The following SKI variants were observed in gnomAD, a reference collection of about 807,000 sequenced individuals.
SKI encodes the protein ski oncogene.
Under a neutral mutation model 59.3 loss-of-function variants are expected in SKI, and 23 were observed. That is an observed-to-expected ratio of 0.39 (90% CI 0.28 to 0.55). The LOEUF is 0.55. SKI is among the 20% of genes least tolerant of loss of function. The pLI is 0.67. For synonymous variants in SKI, 673 were observed against 488.6 expected (o/e 1.38, Z -4.98); for missense variants, 1,017 against 1,038.9 (o/e 0.98, Z 0.29).
chr1:2,301,039 C>T (rs1224960442), intron 1 of SKI, among the ~76,000 whole-genome samples: 1 of 152,188 alleles, frequency 6.6e-6, no homozygotes, highest in Non-Finnish European at 1.5e-5. Flanking sequence ...CCGGAGTCAG[C>T]GCCGGCTGTT....
intron 1 of SKI, among the ~76,000 whole-genome samples, chr1:2,296,235 A>C (rs548083150): frequency 6.3e-4 from 96 of 152,144 alleles, no homozygotes; most frequent in Middle Eastern, 3.4e-3. Flanking sequence ...CAAAAAAAAA[A>C]AAACAAAAAA....
At chr1:2,233,677 C>T (rs1638692610) in intron 1 of SKI, among the ~76,000 whole-genome samples, 1 of 152,120 alleles carries the variant, frequency 6.6e-6, no homozygotes, top group Admixed American at 6.5e-5. Context: ...AGGCAGGTGC[C>T]CAGCCAGGTG....
intron 1 of SKI, among the ~76,000 whole-genome samples, chr1:2,287,863 A>AC (rs1005344765): frequency 1.3e-4 from 19 of 151,576 alleles, no homozygotes; most frequent in Non-Finnish European, 2.4e-4. Context: ...CCTGCATGGC[A>AC]CCGCCCTCCG....
intron 1 of SKI, among the ~76,000 whole-genome samples, chr1:2,237,575 C>CA (rs1329567821): frequency 6.6e-6 from 1 of 152,240 alleles, no homozygotes; most frequent in Non-Finnish European, 1.5e-5. Context: ...ACCCCTGGTC[C>CA]AGCTGTTGAG....
chr1:2,304,590 G>T lies in SKI; in HGVS notation c.1767+5G>T. 1 of 1,547,502 alleles carries T rather than the reference G, an allele frequency of 6.5e-7. No individual in the cohort carries two copies. Among genetic ancestry groups the T allele is most frequent in the East Asian group, 2.4e-5 (1 of 40,966 alleles). On this transcript the variant is annotated splice_donor_5th_base_variant and intron_variant, in intron 5 of 6. Transcript: ENST00000378536. ...GCCAAGCGCAGCCTCCACCAGGTGA[G>T]CGGGGCGAGTGGTGCTGGGAGGTCC... is the stretch of plus-strand genomic sequence containing the variant.
chr1:2,242,662 G>A (rs1638904626), intron 1 of SKI, among the ~76,000 whole-genome samples: 1 of 152,172 alleles, frequency 6.6e-6, no homozygotes, highest in African/African-American at 2.4e-5. Flanking sequence ...CGGGACTGTA[G>A]GTGGGCATCA....
chr1:2,306,647 G>C lies in SKI; in HGVS notation c.2069G>C (p.Arg690Pro). 6.5e-7 allele frequency: 1 copy of C among 1,544,942 alleles called. No homozygotes were observed. The highest frequency in any genetic ancestry group is 1.4e-5 in the African/African-American group (1 of 72,800). ...DREQLRADLL[R>P]EREAREHLEK... Reference sequence around the variant, plus strand: ...GAGCAGCTGCGGGCCGACCTGCTGCGGGAGCGCGAGGCCCGGGAGCACCTG... The same window carrying C: ...GAGCAGCTGCGGGCCGACCTGCTGCCGGAGCGCGAGGCCCGGGAGCACCTG... The change falls in exon 7 of 7, where the codon CGG (arginine) becomes CCG (proline). Residue 690 changes from arginine to proline, a missense_variant. Coordinates refer to ENST00000378536, the MANE Select transcript of SKI (RefSeq NM_003036.4).
At chr1:2,271,356 G>A (rs1372016464) in intron 1 of SKI, among the ~76,000 whole-genome samples, 2 of 152,006 alleles carry the variant, frequency 1.3e-5, no homozygotes, top group Non-Finnish European at 2.9e-5. Context: ...AAACCAGGCA[G>A]CCTCTCCCGC....
At chr1:2,301,686 C>T (rs188026058) in intron 1 of SKI, among the ~76,000 whole-genome samples, 1 of 151,890 alleles carries the variant, frequency 6.6e-6, no homozygotes, top group East Asian at 1.9e-4. Flanking sequence ...GCGTCTTCTC[C>T]TAGAGTCCTG....
intron 1 of SKI, among the ~76,000 whole-genome samples, chr1:2,236,105 A>C (rs895662932): frequency 6.6e-6 from 1 of 152,150 alleles, no homozygotes; most frequent in Non-Finnish European, 1.5e-5. Flanking sequence ...CAGATGCTGA[A>C]TCGGGGCGTT....
chr1:2,290,056 G>C (rs916774128), intron 1 of SKI, among the ~76,000 whole-genome samples: 1 of 152,208 alleles, frequency 6.6e-6, no homozygotes, highest in African/African-American at 2.4e-5. Flanking sequence ...TTGCCCTCTT[G>C]TGTGGCGCCG....
intron 1 of SKI, among the ~76,000 whole-genome samples, chr1:2,243,632 G>A (rs1478307851): frequency 6.6e-6 from 1 of 152,144 alleles, no homozygotes; most frequent in Non-Finnish European, 1.5e-5. Context: ...GGGCATGTCG[G>A]TCACGCCAGG....
chr1:2,279,993 ACTC>A (rs995276506), intron 1 of SKI, among the ~76,000 whole-genome samples: 4 of 151,842 alleles, frequency 2.6e-5, no homozygotes, highest in East Asian at 3.9e-4. Context: ...CCAGCCCTCC[ACTC>A]CTCAGCCATT....
At chr1:2,266,822 C>T (rs1569764898) in intron 1 of SKI, among the ~76,000 whole-genome samples, 1 of 152,302 alleles carries the variant, frequency 6.6e-6, no homozygotes, top group East Asian at 1.9e-4. Flanking sequence ...GTGGGCTCCC[C>T]TCTAGGCTGA....
rs1263507704 is a variant in SKI, at chr1:2,306,023, C to G, written c.1771C>G (p.Leu591Val). 3 of 1,576,450 alleles carry G rather than the reference C, an allele frequency of 1.9e-6. No individual in the cohort carries two copies. Among genetic ancestry groups the G allele is most frequent in the African/African-American group, 1.3e-5 (1 of 74,450 alleles). Residue 591 changes from leucine to valine, a missense_variant, in exon 6 of 7, where the codon CTG (leucine) becomes GTG (valine). Coordinates refer to ENST00000378536, the MANE Select transcript of SKI (RefSeq NM_003036.4). ...LQAKRSLHQE[L>V]EFLRVAKKEK... is the part of the protein sequence containing the mutation. ...CCGAGCCGCCTCCGGCCCCCAGGAG[C>G]TGGAGTTCCTACGCGTGGCCAAGAA...
intron 1 of SKI, among the ~76,000 whole-genome samples, chr1:2,288,082 G>A (rs1356674520): frequency 1.3e-5 from 2 of 151,744 alleles, no homozygotes; most frequent in Admixed American, 6.6e-5. Context: ...TCCACCTCCC[G>A]GGTTCAAGTG....
At chr1:2,257,227 C>G (rs1053196635) in intron 1 of SKI, among the ~76,000 whole-genome samples, 8 of 152,240 alleles carry the variant, frequency 5.3e-5, no homozygotes, top group Admixed American at 3.3e-4. Flanking sequence ...GTTTGTCCTG[C>G]TGGTTTCCTC....
At chr1:2,304,660 AGGT>A (rs1427396454) in intron 5 of SKI, 75 bp downstream of exon 5, 1 of 1,474,026 alleles carries the variant, frequency 6.8e-7, no homozygotes, top group Non-Finnish European at 9.0e-7. Flanking sequence ...GAACGGGCAC[AGGT>A]GGTGCCTCCT....
chr1:2,271,718 T>G (rs904429779), intron 1 of SKI, among the ~76,000 whole-genome samples: 1 of 149,236 alleles, frequency 6.7e-6, no homozygotes, highest in East Asian at 2.0e-4. Flanking sequence ...CCTGGTCCCC[T>G]GGGGGGGGGT....
Sources: allele counts gnomAD v4.1 joint callset (sites outside exome capture counted in the v4.1 genomes callset), GRCh38; gene constraint gnomAD v4.1.1; transcripts MANE v1.5; gene names NCBI Gene and HGNC (gene_info 2026-07-23, HGNC 2026-07-21).